Variants in ADAM12 observed in about 807,000 individuals in gnomAD.
The protein encoded by ADAM12 is disintegrin and metalloproteinase domain-containing protein 12.
In ADAM12, 70 loss-of-function variants were observed where a neutral mutation model predicts 106.4. The observed-to-expected ratio is 0.66, with a 90% confidence interval of 0.54 to 0.80. ADAM12 has a LOEUF of 0.80. Ranked by LOEUF, ADAM12 falls within the 30% of genes least tolerant of loss-of-function variation. The pLI, the probability that ADAM12 is intolerant of heterozygous loss-of-function variation, is 0.00. For missense variants in ADAM12, 1,010 were observed against 1,171.9 expected, an observed-to-expected ratio of 0.86 and a Z score of 2.02; for synonymous variants, 420 against 433.5, an observed-to-expected ratio of 0.97 and a Z score of 0.39.
chr10:126,369,746 C>T (rs1204238541), intron 1 of ADAM12, among the ~76,000 whole-genome samples: 1 of 152,132 alleles, frequency 6.6e-6, no homozygotes, highest in Non-Finnish European at 1.5e-5. Flanking sequence ...ATTTACAATG[C>T]TGATTATCTA....
intron 21 of ADAM12, among the ~76,000 whole-genome samples, chr10:126,032,543 A>C (rs2133392103): frequency 6.6e-6 from 1 of 152,282 alleles, no homozygotes; most frequent in African/African-American, 2.4e-5. Flanking sequence ...GGAGAAAAAA[A>C]CACCAGCAGT....
intron 2 of ADAM12, among the ~76,000 whole-genome samples, chr10:126,305,083 A>T (rs1960788720): frequency 1.3e-5 from 2 of 152,202 alleles, no homozygotes; most frequent in South Asian, 4.1e-4. Context: ...TTAGAAAGCT[A>T]AACACTTGAA....
chr10:126,062,147 G>T (rs1954770310), intron 14 of ADAM12, among the ~76,000 whole-genome samples: 1 of 152,316 alleles, frequency 6.6e-6, no homozygotes, highest in Admixed American at 6.5e-5. Context: ...AGCCCGAGGT[G>T]GCTTCCCAAG....
intron 3 of ADAM12, among the ~76,000 whole-genome samples, chr10:126,197,586 T>C (rs41455146): frequency 0.019 from 2,960 of 152,238 alleles, 82 homozygotes; most frequent in East Asian, 0.094. Flanking sequence ...GAATTTCTCA[T>C]TGCTGGGAAC....
intron 3 of ADAM12, among the ~76,000 whole-genome samples, chr10:126,225,216 G>A (rs1405721967): frequency 1.3e-5 from 2 of 152,240 alleles, no homozygotes; most frequent in Admixed American, 1.3e-4. Flanking sequence ...GCCAGGAGCT[G>A]GCTGCCTTTG....
rs1466729522 is a variant in ADAM12, at chr10:126,019,662, GAGAA to G, written c.2660+29_2660+32del. 6 of 1,604,386 alleles carry G rather than the reference GAGAA, an allele frequency of 3.7e-6. No homozygotes were observed. The Admixed American group carries it at 8.4e-5, about 22-fold the overall frequency. Reference sequence around the variant, plus strand: ...TGGTTGGTCCCACAAGAGTTTGAGAGAGAAAGAGATGGGCATGGCATGTCACACA... The same window carrying G: ...TGGTTGGTCCCACAAGAGTTTGAGAGAGAGATGGGCATGGCATGTCACACA... On this transcript the variant is annotated intron_variant, in intron 22 of 22. Transcript: ENST00000448723.
intron 21 of ADAM12, among the ~76,000 whole-genome samples, chr10:126,031,369 T>A (rs1484516809): frequency 6.6e-6 from 1 of 152,200 alleles, no homozygotes; most frequent in Non-Finnish European, 1.5e-5. Context: ...CCCACACAGG[T>A]CCAGAAGGGC....
At chr10:126,376,158 G>A (rs940147691) in intron 1 of ADAM12, among the ~76,000 whole-genome samples, 1 of 152,002 alleles carries the variant, frequency 6.6e-6, no homozygotes, top group Non-Finnish European at 1.5e-5. Flanking sequence ...ACCCTTTCAG[G>A]TGATTATTCT....
rs564306706 is a variant in ADAM12, at chr10:126,293,601, C to T, written c.187-14613G>A. On this transcript the variant is annotated intron_variant, in intron 2 of 22. Transcript: ENST00000448723. ...TGGTGTGACCTTGGCTCACTGCAACCTCCACCTCCCAAGTTCAAGCAATTC... is the reference window on the plus strand; with the variant it reads ...TGGTGTGACCTTGGCTCACTGCAACTTCCACCTCCCAAGTTCAAGCAATTC... 9.2e-5 allele frequency among the ~76,000 whole-genome samples: 14 copies of T among 152,298 alleles called. No individual in the cohort carries two copies. In the East Asian group the frequency reaches 2.5e-3, roughly 27 times the overall value.
intron 11 of ADAM12, among the ~76,000 whole-genome samples, chr10:126,084,033 T>G (rs567328557): frequency 2.6e-5 from 4 of 152,304 alleles, no homozygotes; most frequent in African/African-American, 9.6e-5. Context: ...AGTAGGCCAT[T>G]TCCATTGTTA....
intron 21 of ADAM12, among the ~76,000 whole-genome samples, chr10:126,024,479 A>C (rs1042960515): frequency 6.6e-6 from 1 of 152,194 alleles, no homozygotes; most frequent in African/African-American, 2.4e-5. Flanking sequence ...TAGACTATTT[A>C]AAAAATATAC....
chr10:126,039,374 G>T lies in ADAM12; in HGVS notation c.2160C>A (p.Ala720=). 1 of 1,614,082 alleles carries T rather than the reference G, an allele frequency of 6.2e-7. No homozygotes were observed. The highest frequency in any genetic ancestry group is 8.5e-7 in the Non-Finnish European group (1 of 1,179,994). Residue 720 remains alanine, a synonymous_variant, in exon 19 of 23, where the codon GCC becomes GCA. Coordinates refer to ENST00000448723, the MANE Select transcript of ADAM12 (RefSeq NM_001288973.2). The part of the protein sequence containing the change: ...ILVTILCLLA[A]GFVVYLKRKT... ...TCCTTTTGAGATAAACCACAAATCC[G>T]GCAGCAAGAAGACACAGGATGGTCA...
In ADAM12 at chr10:126,306,415, T is replaced by C. The variant is rs550537506; in HGVS notation, c.186+23997A>G. Among the ~76,000 whole-genome samples, 13 of 152,270 alleles carry C rather than the reference T, an allele frequency of 8.5e-5. No homozygotes were observed. In the South Asian group the frequency reaches 1.7e-3, roughly 19 times the overall value. ...ATATGTTGTAAAGCCCTAAATATCT[T>C]GCATTATTGTTTTAAAGAGTTAATA... On this transcript the variant is annotated intron_variant, in intron 2 of 22. Coordinates refer to ENST00000448723, the MANE Select transcript of ADAM12 (RefSeq NM_001288973.2).
At chr10:126,243,875 T>G (rs1228775910) in intron 3 of ADAM12, among the ~76,000 whole-genome samples, 1 of 152,218 alleles carries the variant, frequency 6.6e-6, no homozygotes, top group Admixed American at 6.5e-5. Context: ...ACGGGGAATG[T>G]GAGGCTTAAC....
At chr10:126,271,138 C>T (rs1283687971) in intron 3 of ADAM12, among the ~76,000 whole-genome samples, 2 of 152,194 alleles carry the variant, frequency 1.3e-5, no homozygotes, top group Non-Finnish European at 2.9e-5. Flanking sequence ...ACTCTCAGGA[C>T]CATGCCTACC....
chr10:126,374,543 C>G (rs190977071), intron 1 of ADAM12, among the ~76,000 whole-genome samples: 1 of 151,944 alleles, frequency 6.6e-6, no homozygotes, highest in Non-Finnish European at 1.5e-5. Context: ...AGCTTCCATA[C>G]GTGAAAAAGT....
At chr10:126,182,301 A>T (rs1420557301) in intron 3 of ADAM12, among the ~76,000 whole-genome samples, 2 of 152,234 alleles carry the variant, frequency 1.3e-5, no homozygotes, top group Non-Finnish European at 2.9e-5. Context: ...GCAGTATCTA[A>T]GACATAAAGA....
chr10:126,256,104 A>C (rs1316113681), intron 3 of ADAM12, among the ~76,000 whole-genome samples: 17 of 152,288 alleles, frequency 1.1e-4, no homozygotes, highest in African/African-American at 3.8e-4. Flanking sequence ...TAAGAAAAAT[A>C]CTTATGTCCA....
At chr10:126,271,828 G>A (rs999553542) in intron 3 of ADAM12, among the ~76,000 whole-genome samples, 1 of 152,162 alleles carries the variant, frequency 6.6e-6, no homozygotes, top group African/African-American at 2.4e-5. Flanking sequence ...TTCTTCTATG[G>A]CATGCCACTG....
Sources: gnomAD v4.1 joint callset for allele counts (sites outside exome capture counted in the v4.1 genomes callset) on GRCh38, gnomAD v4.1.1 for gene constraint, MANE v1.5 for transcripts, NCBI Gene and HGNC (gene_info 2026-07-23, HGNC 2026-07-21) for gene names.